Variants in DAB1 observed in about 807,000 individuals in gnomAD.
DAB1 encodes DAB adaptor protein 1, also known as disabled homolog 1.
DAB1 carries 15 observed loss-of-function variants against 64.6 expected under a neutral mutation model. The ratio of observed to expected loss-of-function variants is 0.23; its 90% CI spans 0.16 to 0.36. The LOEUF is 0.36. Ranked by LOEUF, DAB1 falls within the 10% of genes least tolerant of loss-of-function variation. The pLI, the probability that DAB1 is intolerant of heterozygous loss-of-function variation, is 1.00. For synonymous variants in DAB1, 235 were observed against 251.9 expected (o/e 0.93, Z 0.64); for missense variants, 596 against 706.7 (o/e 0.84, Z 1.78).
chr1:58,006,962 C>T lies in DAB1; in HGVS notation n.388-122800G>A, dbSNP rs948521507. Among the ~76,000 whole-genome samples, 4 of 152,130 alleles carry T rather than the reference C, an allele frequency of 2.6e-5. No homozygotes were observed. In the East Asian group the frequency reaches 7.7e-4, roughly 29 times the overall value. On this transcript the variant is annotated intron_variant and non_coding_transcript_variant, in intron 5 of 20. Coordinates refer to the DAB1 transcript ENST00000485760. Reference sequence around the variant, plus strand: ...CCCTGACACTCATTCTGAGATGCACCGTACAGATGTTAGTTTATTATGTAC... The same window carrying T: ...CCCTGACACTCATTCTGAGATGCACTGTACAGATGTTAGTTTATTATGTAC...
rs367568412 is a variant in DAB1 at position 57,259,518 on chromosome 1, A to G, written c.67+31446T>C. 6.1e-4 allele frequency among the ~76,000 whole-genome samples: 93 copies of G among 152,260 alleles called. 1 individual carries two copies. In the South Asian group the frequency reaches 0.017, roughly 27 times the overall value. Reference sequence around the variant, plus strand: ...ACTATTCCAAGACTGGGTGAACCACATGTGCAAAGACTTAAAAAATGAGGG... The same window carrying G: ...ACTATTCCAAGACTGGGTGAACCACGTGTGCAAAGACTTAAAAAATGAGGG... On this transcript the variant is annotated intron_variant, in intron 2 of 14. Coordinates refer to ENST00000371236, the MANE Select transcript of DAB1 (RefSeq NM_001365792.1).
At chr1:57,704,709 A>G (rs1356316864) in intron 6 of DAB1, among the ~76,000 whole-genome samples, 3 of 152,174 alleles carry the variant, frequency 2.0e-5, no homozygotes, top group African/African-American at 7.2e-5. Context: ...GTGTTGACCA[A>G]TATGTAATTT....
intron 2 of DAB1, among the ~76,000 whole-genome samples, chr1:58,518,004 T>C (rs904850345): frequency 2.0e-5 from 3 of 150,828 alleles, no homozygotes; most frequent in East Asian, 4.0e-4. Flanking sequence ...CTGCCCAACA[T>C]GGAGAAACCC....
chr1:57,889,327 C>T (rs1248346875), intron 5 of DAB1, among the ~76,000 whole-genome samples: 1 of 152,220 alleles, frequency 6.6e-6, no homozygotes, highest in African/African-American at 2.4e-5. Flanking sequence ...TTTATATATG[C>T]ATAAATATCC....
chr1:58,251,619 G>A (rs1467137368), intron 4 of DAB1, among the ~76,000 whole-genome samples: 1 of 152,190 alleles, frequency 6.6e-6, no homozygotes, highest in African/African-American at 2.4e-5. Flanking sequence ...CAGAAGGAAG[G>A]AAGTGTGGCT....
chr1:58,424,379 C>G (rs1156927704), intron 3 of DAB1, among the ~76,000 whole-genome samples: 1 of 152,170 alleles, frequency 6.6e-6, no homozygotes, highest in African/African-American at 2.4e-5. Flanking sequence ...CCCATAAACA[C>G]AACCAGTTAT....
At chr1:57,135,537 C>A (rs1658008056) in intron 4 of DAB1, among the ~76,000 whole-genome samples, 1 of 152,174 alleles carries the variant, frequency 6.6e-6, no homozygotes, top group Non-Finnish European at 1.5e-5. Flanking sequence ...TACCTTTTGG[C>A]TACTGAAAGT....
At chr1:58,355,140 A>G (rs1644097821) in intron 3 of DAB1, among the ~76,000 whole-genome samples, 1 of 152,220 alleles carries the variant, frequency 6.6e-6, no homozygotes, top group Non-Finnish European at 1.5e-5. Flanking sequence ...ACAGGTTGTC[A>G]AAGAGATGTC....
chr1:58,072,986 A>G (rs1318053941), intron 5 of DAB1, among the ~76,000 whole-genome samples: 1 of 152,222 alleles, frequency 6.6e-6, no homozygotes, highest in Non-Finnish European at 1.5e-5. Context: ...TAGTTTATAC[A>G]TAACTCATTT....
At chr1:58,251,751 G>A (rs1311015490) in intron 4 of DAB1, among the ~76,000 whole-genome samples, 1 of 152,178 alleles carries the variant, frequency 6.6e-6, no homozygotes, top group Non-Finnish European at 1.5e-5. Context: ...TTGGAGTTTT[G>A]GGGGTTAGAG....
At chr1:57,892,807 T>C (rs952310979) in intron 5 of DAB1, among the ~76,000 whole-genome samples, 2 of 152,208 alleles carry the variant, frequency 1.3e-5, no homozygotes, top group Admixed American at 1.3e-4. Context: ...CCTGGACAAT[T>C]CCTGACAGAC....
chr1:58,488,570 G>T (rs1645616977), intron 3 of DAB1, among the ~76,000 whole-genome samples: 1 of 152,154 alleles, frequency 6.6e-6, no homozygotes, highest in South Asian at 2.1e-4. Context: ...TCCTGTGTCA[G>T]CCTCCTGAGT....
Position 58,215,322 on chromosome 1 carries a change from C to A in DAB1, n.310-64734G>T, listed in dbSNP as rs963516695. On this transcript the variant is annotated intron_variant and non_coding_transcript_variant, in intron 4 of 20. Transcript: ENST00000485760. ...GGTCTCAAGTCAAATGACCTCCCTC[C>A]CTCAGAGATGCCTGAGGGTATGGCT... Among the ~76,000 whole-genome samples, 6 of 152,082 alleles carry A rather than the reference C, an allele frequency of 3.9e-5. No individual in the cohort carries two copies. In the South Asian group the frequency reaches 6.2e-4, roughly 16 times the overall value.
chr1:57,523,448 T>A (rs1644554515), intron 7 of DAB1, among the ~76,000 whole-genome samples: 1 of 152,186 alleles, frequency 6.6e-6, no homozygotes, highest in African/African-American at 2.4e-5. Flanking sequence ...CACTTGTATA[T>A]GAACAAACAG....
Position 58,115,171 on chromosome 1 carries a change from G to A in DAB1, n.387+35340C>T, listed in dbSNP as rs1045210018. Among the ~76,000 whole-genome samples, 4 of 118,074 alleles carry A rather than the reference G, an allele frequency of 3.4e-5. No homozygotes were observed. In the Admixed American group the frequency reaches 3.9e-4, roughly 11 times the overall value. The allele number at this position is 118,074 out of a possible 152,430, so 77.5% of individuals were successfully genotyped here. On this transcript the variant is annotated intron_variant and non_coding_transcript_variant, in intron 5 of 20. Transcript: ENST00000485760. ...AAACAAACAACCCCATCAAAAAGTG[G>A]GCGAAGGACATGAACAGACACTTCT...
At chr1:57,225,010 A>G (rs1002529889) in intron 2 of DAB1, among the ~76,000 whole-genome samples, 1 of 152,248 alleles carries the variant, frequency 6.6e-6, no homozygotes, top group East Asian at 1.9e-4. Context: ...AGCTTCTTGG[A>G]TGGTTAACAT....
At chr1:57,219,432 C>T (rs1666690321) in intron 2 of DAB1, among the ~76,000 whole-genome samples, 1 of 152,104 alleles carries the variant, frequency 6.6e-6, no homozygotes, top group African/African-American at 2.4e-5. Context: ...TTGGTGCTTT[C>T]AAATCTATTT....
At chr1:57,537,652 A>G (rs1524714) in intron 7 of DAB1, among the ~76,000 whole-genome samples, 97,596 of 152,008 alleles carry the variant, frequency 0.64, 33,771 homozygotes, top group Non-Finnish European at 0.77. Flanking sequence ...ATGCATTTTG[A>G]TTTCCATGAA....
At chr1:58,388,926 A>G (rs906822157) in intron 3 of DAB1, among the ~76,000 whole-genome samples, 4 of 152,218 alleles carry the variant, frequency 2.6e-5, no homozygotes, top group African/African-American at 7.2e-5. Context: ...TAGGATCCCA[A>G]TTGCAAAATG....
Sources: allele counts gnomAD v4.1 joint callset (sites outside exome capture counted in the v4.1 genomes callset), GRCh38; gene constraint gnomAD v4.1.1; transcripts MANE v1.5; gene names NCBI Gene and HGNC (gene_info 2026-07-23, HGNC 2026-07-21).